The following SRRM3 variants were observed in gnomAD, a reference collection of about 807,000 sequenced individuals.
The protein encoded by SRRM3 is serine/arginine repetitive matrix protein 3.
In SRRM3, 27 loss-of-function variants were observed where a neutral mutation model predicts 66.2. That is an observed-to-expected ratio of 0.41 (90% CI 0.30 to 0.56). The LOEUF (loss-of-function observed/expected upper bound fraction) is 0.56. Ranked by LOEUF, SRRM3 falls within the 20% of genes least tolerant of loss-of-function variation. The pLI is 0.32. For synonymous variants in SRRM3, 391 were observed against 414.9 expected (o/e 0.94, Z 0.70); for missense variants, 918 against 991.9 (o/e 0.93, Z 1.00).
At chr7:76,209,556 G>T (rs1800379679) in intron 1 of SRRM3, among the ~76,000 whole-genome samples, 1 of 152,142 alleles carries the variant, frequency 6.6e-6, no homozygotes, top group Admixed American at 6.6e-5. Context: ...AGAGGGCAGG[G>T]CTGATAATAG....
rs1554604624 is a variant in SRRM3 at position 76,235,084 on chromosome 7, C to T, written c.18C>T (p.Asn6=). The T allele has an allele frequency of 1.3e-6, 2 of 1,581,804 alleles. No homozygotes were observed. The highest frequency in any genetic ancestry group is 1.1e-5 in the South Asian group (1 of 87,218). MSSTV[N]NGAASMQSTP... Reference sequence around the variant, plus strand: ...CAGCCACGATGTCCTCCACCGTGAACAACGGGGCGGCCAGCATGCAGTCCA... The same window carrying T: ...CAGCCACGATGTCCTCCACCGTGAATAACGGGGCGGCCAGCATGCAGTCCA... The change falls in exon 2 of 15, where the codon AAC becomes AAT. Residue 6 remains asparagine, a synonymous_variant. Transcript: ENST00000611745.
chr7:76,261,427 C>T lies in SRRM3; in HGVS notation c.638+13C>T, dbSNP rs782580830. 2 of 1,604,284 alleles carry T rather than the reference C, an allele frequency of 1.2e-6. No homozygotes were observed. The highest frequency in any genetic ancestry group is 1.7e-6 in the Non-Finnish European group (2 of 1,175,392). On this transcript the variant is annotated intron_variant, in intron 7 of 14. Transcript: ENST00000611745. ...ATCGCCGAGACAGGTACCCTTGCTGCCCCCACCCTGGGGCCTCCTCTTCCT... is the reference window on the plus strand; with the variant it reads ...ATCGCCGAGACAGGTACCCTTGCTGTCCCCACCCTGGGGCCTCCTCTTCCT...
intron 2 of SRRM3, among the ~76,000 whole-genome samples, chr7:76,247,643 T>A (rs1554606299): frequency 6.6e-6 from 1 of 152,112 alleles, no homozygotes; most frequent in Non-Finnish European, 1.5e-5. Flanking sequence ...GTTTTTCTTT[T>A]GTCTGTTTGT....
chr7:76,266,264 T>TATAAATATTTATATATTTAATATATG (rs1563635066), intron 10 of SRRM3, among the ~76,000 whole-genome samples: 1 of 62,128 alleles, frequency 1.6e-5, no homozygotes, highest in African/African-American at 4.9e-5. Context: ...TTTAATATAT[T>TATAAATATTTATATATTTAATATATG]TATATTTAAT....
rs11973015 is a variant in SRRM3 at position 76,249,369 on chromosome 7, G to A, written c.335+1080G>A. 6.2e-3 allele frequency among the ~76,000 whole-genome samples: 874 copies of A among 140,210 alleles called. 8 individuals carry two copies. The highest frequency in any genetic ancestry group is 0.025 in the African/African-American group (832 of 33,630). The allele number at this position is 140,210 out of a possible 152,430, so 92.0% of individuals were successfully genotyped here. A position where few individuals can be genotyped will look rare whatever the true frequency, so the allele number is the denominator to read the frequency against. ...CACTCCAGCCTGGGTGACAGAGCGA[G>A]ACTCTGTCTCAAAAAAAAAAAAAAG... is the stretch of plus-strand genomic sequence containing the variant. On this transcript the variant is annotated intron_variant, in intron 3 of 14. Coordinates refer to ENST00000611745, the MANE Select transcript of SRRM3 (RefSeq NM_001110199.3).
chr7:76,228,965 C>G (rs1800947660), intron 1 of SRRM3, among the ~76,000 whole-genome samples: 2 of 148,406 alleles, frequency 1.3e-5, no homozygotes, highest in South Asian at 4.3e-4. Flanking sequence ...GTGGCATGAT[C>G]TCTGCTCACT....
At chr7:76,250,859 G>T (rs145964490) in intron 3 of SRRM3, among the ~76,000 whole-genome samples, 1 of 152,184 alleles carries the variant, frequency 6.6e-6, no homozygotes, top group Admixed American at 6.5e-5. Context: ...AGTCTGAGAA[G>T]TGAAGGAAAA....
chr7:76,249,330 G>A (rs2117029442), intron 3 of SRRM3, among the ~76,000 whole-genome samples: 1 of 151,572 alleles, frequency 6.6e-6, no homozygotes, highest in African/African-American at 2.4e-5. Context: ...AGGTTGCAGT[G>A]AGCCGCGCCA....
chr7:76,279,536 A>C, intron 11 of SRRM3, among the ~76,000 whole-genome samples: 1 of 142,802 alleles, frequency 7.0e-6, no homozygotes, highest in East Asian at 2.4e-4. Context: ...GGCCAAGGAC[A>C]GGAGGAGGGA....
intron 11 of SRRM3, chr7:76,268,966 C>A (rs918668263): frequency 3.9e-5 from 6 of 152,300 alleles, no homozygotes; most frequent in African/African-American, 1.2e-4. Flanking sequence ...CCTTCTGGGG[C>A]CTCCCAAGAG....
intron 1 of SRRM3, among the ~76,000 whole-genome samples, chr7:76,208,831 AC>A (rs1800362068): frequency 6.8e-6 from 1 of 146,082 alleles, no homozygotes; most frequent in Non-Finnish European, 1.5e-5. Flanking sequence ...GAGCAAGAAG[AC>A]CCTGAAAAAA....
chr7:76,274,370 T>C (rs1167426061), intron 11 of SRRM3, among the ~76,000 whole-genome samples: 2 of 152,192 alleles, frequency 1.3e-5, no homozygotes, highest in African/African-American at 2.4e-5. Context: ...CTTCCATCTA[T>C]TGGGTGCAAT....
At chr7:76,233,324 A>G (rs1477848222) in intron 1 of SRRM3, among the ~76,000 whole-genome samples, 1 of 152,140 alleles carries the variant, frequency 6.6e-6, no homozygotes, top group Admixed American at 6.5e-5. Flanking sequence ...AAAAATGAAC[A>G]AAGAAGAAGG....
In SRRM3 at chr7:76,285,917, G is replaced by A. The variant is rs1554612775; in HGVS notation, c.*74G>A. ...GGGCGGGCCCCAGGACCCCAGTGGGGAGGGGGCTATATCTCCTTGCCCCCA... is the reference window on the plus strand; with the variant it reads ...GGGCGGGCCCCAGGACCCCAGTGGGAAGGGGGCTATATCTCCTTGCCCCCA... On this transcript the variant is annotated 3_prime_UTR_variant, in exon 15 of 15. Transcript: ENST00000611745. This position sits in a 1 kb window ranked among gnomAD's most constrained non-coding sequence, Gnocchi z 4.1. 2 of 1,441,232 alleles carry A rather than the reference G, an allele frequency of 1.4e-6. No homozygotes were observed. Among genetic ancestry groups the A allele is most frequent in the South Asian group, 1.4e-5 (1 of 73,104 alleles). 89.3% of individuals were successfully genotyped at this position (1,441,232 alleles called of 1,614,324 possible).
chr7:76,242,292 C>CT (rs1254362442), intron 2 of SRRM3, among the ~76,000 whole-genome samples: 4 of 152,084 alleles, frequency 2.6e-5, no homozygotes, highest in Non-Finnish European at 5.9e-5. Context: ...CGAGACCAGC[C>CT]TGACCAACAT....
intron 2 of SRRM3, among the ~76,000 whole-genome samples, chr7:76,237,329 C>T (rs997172971): frequency 6.6e-6 from 1 of 152,188 alleles, no homozygotes; most frequent in Non-Finnish European, 1.5e-5. Flanking sequence ...ATCGCTTGAA[C>T]CCGGAGGCGG....
chr7:76,244,102 G>T (rs1032662879), intron 2 of SRRM3, among the ~76,000 whole-genome samples: 2 of 152,144 alleles, frequency 1.3e-5, no homozygotes, highest in Non-Finnish European at 2.9e-5. Flanking sequence ...ACGAGGGGAT[G>T]GGGGGTTAGA....
intron 2 of SRRM3, 85 bp from the exon 3 acceptor site, chr7:76,248,103 T>TGGCGG: frequency 1.9e-6 from 2 of 1,030,124 alleles, no homozygotes; most frequent in Non-Finnish European, 3.0e-6. Flanking sequence ...ACCCAGGGGT[T>TGGCGG]GGCGGGGCTG....
Position 76,235,316 on chromosome 7 carries a change from G to A in SRRM3, c.233+17G>A, listed in dbSNP as rs1554604740. ...GGAGCAGGGGTGAGCAGGCCGCGGG[G>A]CGGGACTGGGGTGGGGAGATAGGCG... On this transcript the variant is annotated intron_variant, in intron 2 of 14. Transcript: ENST00000611745. The A allele has an allele frequency of 6.7e-7, 1 of 1,490,822 alleles. No homozygotes were observed. Among genetic ancestry groups the A allele is most frequent in the Non-Finnish European group, 8.9e-7 (1 of 1,121,132 alleles). 92.3% of individuals were successfully genotyped at this position (1,490,822 alleles called of 1,614,324 possible).
Sources: gnomAD v4.1 joint callset for allele counts (sites outside exome capture counted in the v4.1 genomes callset) on GRCh38, gnomAD v4.1.1 for gene constraint, Gnocchi (gnomAD v3.1) non-coding constraint, MANE v1.5 for transcripts, NCBI Gene and HGNC (gene_info 2026-07-23, HGNC 2026-07-21) for gene names.